The following WDR70 variants were observed in gnomAD, a reference collection of about 807,000 sequenced individuals.
WDR70 encodes the protein WD repeat domain 70.
A neutral mutation model predicts 88.6 loss-of-function variants in WDR70; 53 were observed. That is an observed-to-expected ratio of 0.60 (90% CI 0.48 to 0.75). The LOEUF is 0.75. WDR70 is among the 30% of genes least tolerant of loss of function. WDR70 has a pLI of 0.00. For missense variants in WDR70, 610 were observed against 823.2 expected (o/e 0.74, Z 3.17); for synonymous variants, 280 against 270.0 (o/e 1.04, Z -0.36).
At position 37,622,307 on chromosome 5, in the gene WDR70, G is replaced by C. The variant is rs1008590866; in HGVS notation, c.1092+17069G>C. ...ACACTGTTGGTGGGACTGTAAACTAGTTCAACCATTGTGGAAGTCAGTGTG... is the reference window on the plus strand; with the variant it reads ...ACACTGTTGGTGGGACTGTAAACTACTTCAACCATTGTGGAAGTCAGTGTG... On this transcript the variant is annotated intron_variant, in intron 10 of 17. Transcript: ENST00000265107. Among the ~76,000 whole-genome samples, 280 of 151,958 alleles carry C rather than the reference G, an allele frequency of 1.8e-3. 1 individual carries two copies. The highest frequency in any genetic ancestry group is 6.5e-3 in the African/African-American group (268 of 41,448).
intron 10 of WDR70, among the ~76,000 whole-genome samples, chr5:37,690,021 C>T (rs772429614): frequency 2.0e-5 from 3 of 152,220 alleles, no homozygotes; most frequent in East Asian, 1.9e-4. Flanking sequence ...CCTTAAATGA[C>T]GTGATGGAGC....
chr5:37,454,486 A>T (rs1473438984), intron 7 of WDR70, among the ~76,000 whole-genome samples: 1 of 152,174 alleles, frequency 6.6e-6, no homozygotes, highest in Admixed American at 6.5e-5. Context: ...TTGATTAAAG[A>T]GTTTCAGAGT....
chr5:37,403,243 C>A (rs142585221), intron 5 of WDR70, among the ~76,000 whole-genome samples: 1 of 152,070 alleles, frequency 6.6e-6, no homozygotes, highest in Non-Finnish European at 1.5e-5. Flanking sequence ...CCACTGTGCC[C>A]GGTCCCCAAT....
chr5:37,706,739 G>GCA (rs201719090), intron 13 of WDR70, among the ~76,000 whole-genome samples: 63,608 of 132,556 alleles, frequency 0.48, 15,359 homozygotes, highest in Middle Eastern at 0.6. Flanking sequence ...ACACACACAC[G>GCA]CACACAGACT....
intron 7 of WDR70, among the ~76,000 whole-genome samples, chr5:37,444,910 T>C (rs1407441929): frequency 6.6e-6 from 1 of 152,132 alleles, no homozygotes; most frequent in African/African-American, 2.4e-5. Context: ...CATTTCACAA[T>C]AGGGTTTGTA....
At chr5:37,405,585 T>C (rs1432264524) in intron 5 of WDR70, among the ~76,000 whole-genome samples, 2 of 152,128 alleles carry the variant, frequency 1.3e-5, no homozygotes, top group South Asian at 2.1e-4. Context: ...GAAACAATTA[T>C]TGGTGCTATA....
chr5:37,390,423 T>C (rs1378670536), intron 3 of WDR70, among the ~76,000 whole-genome samples: 1 of 150,164 alleles, frequency 6.7e-6, no homozygotes, highest in East Asian at 2.0e-4. Context: ...CACTGCAAGC[T>C]CTGCCTCCTG....
chr5:37,667,248 G>T (rs1402315890), intron 10 of WDR70, among the ~76,000 whole-genome samples: 1 of 152,166 alleles, frequency 6.6e-6, no homozygotes, highest in Non-Finnish European at 1.5e-5. Flanking sequence ...ATACAAGGAG[G>T]TGTCATTCAC....
At chr5:37,388,613 G>A (rs573547560) in intron 3 of WDR70, among the ~76,000 whole-genome samples, 5 of 149,694 alleles carry the variant, frequency 3.3e-5, no homozygotes, top group East Asian at 4.1e-4. Flanking sequence ...GGTGACTGGC[G>A]TCTATAATCC....
At chr5:37,654,906 G>T (rs1745507119) in intron 10 of WDR70, among the ~76,000 whole-genome samples, 1 of 152,122 alleles carries the variant, frequency 6.6e-6, no homozygotes, top group Admixed American at 6.5e-5. Context: ...TATCCAATTT[G>T]CCAGTCTGTG....
At chr5:37,619,022 T>A (rs1244618971) in intron 10 of WDR70, among the ~76,000 whole-genome samples, 2 of 152,198 alleles carry the variant, frequency 1.3e-5, no homozygotes, top group Non-Finnish European at 2.9e-5. Context: ...TATGCCTTTT[T>A]AAAAAAGAGT....
intron 10 of WDR70, among the ~76,000 whole-genome samples, chr5:37,662,213 T>A (rs1468295843): frequency 6.6e-6 from 1 of 152,236 alleles, no homozygotes. Context: ...GAACATGACA[T>A]ACTGGTAAAC....
chr5:37,732,901 A>G (rs1401727142), intron 17 of WDR70, among the ~76,000 whole-genome samples: 1 of 152,084 alleles, frequency 6.6e-6, no homozygotes, highest in Non-Finnish European at 1.5e-5. Flanking sequence ...TTAGGAAGGC[A>G]TCTCCCGTCC....
intron 17 of WDR70, among the ~76,000 whole-genome samples, chr5:37,737,531 C>T (rs1748335490): frequency 6.6e-6 from 1 of 152,186 alleles, no homozygotes; most frequent in Non-Finnish European, 1.5e-5. Context: ...CTCCGCCACC[C>T]CCTGGCGAGT....
intron 5 of WDR70, among the ~76,000 whole-genome samples, chr5:37,419,411 G>C (rs1193346519): frequency 6.6e-6 from 1 of 150,398 alleles, no homozygotes; most frequent in Non-Finnish European, 1.5e-5. Context: ...TCACCATCTT[G>C]GCCAGGCTGG....
intron 7 of WDR70, among the ~76,000 whole-genome samples, chr5:37,453,464 G>A (rs559044729): frequency 7.2e-5 from 11 of 152,362 alleles, no homozygotes; most frequent in East Asian, 1.9e-4. Flanking sequence ...GGCACAGCTC[G>A]CTGATGCTAT....
At chr5:37,385,587 TG>T (rs1748585740) in intron 3 of WDR70, among the ~76,000 whole-genome samples, 1 of 70,786 alleles carries the variant, frequency 1.4e-5, no homozygotes, top group African/African-American at 2.8e-5. Flanking sequence ...GATTGGTGGG[TG>T]GGGATGAAAG....
chr5:37,450,296 A>G (rs1181747921), intron 7 of WDR70, among the ~76,000 whole-genome samples: 3 of 152,088 alleles, frequency 2.0e-5, no homozygotes, highest in African/African-American at 7.3e-5. Context: ...TGGTATTTCT[A>G]CCTCTAGAAG....
chr5:37,408,488 A>C (rs1004725549), intron 5 of WDR70, among the ~76,000 whole-genome samples: 1 of 152,170 alleles, frequency 6.6e-6, no homozygotes, highest in Non-Finnish European at 1.5e-5. Context: ...AAATTGAAAA[A>C]AGAAGGTAGA....
Sources: gnomAD v4.1 joint callset for allele counts (sites outside exome capture counted in the v4.1 genomes callset) on GRCh38, gnomAD v4.1.1 for gene constraint, MANE v1.5 for transcripts, NCBI Gene and HGNC (gene_info 2026-07-23, HGNC 2026-07-21) for gene names.